The following OR1J2 variants were observed in gnomAD, a reference collection of about 807,000 sequenced individuals.
OR1J2 encodes the protein olfactory receptor family 1 subfamily J member 2, also known as olfactory receptor 1J2.
For missense variants in OR1J2, 304 were observed against 246.1 expected (o/e 1.24, Z -1.57); for synonymous variants, 142 against 99.7 (o/e 1.42, Z -2.52).
downstream of OR1J2, among the ~76,000 whole-genome samples, chr9:122,516,366 G>T (rs919880461): frequency 6.8e-6 from 1 of 147,950 alleles, no homozygotes; most frequent in African/African-American, 2.5e-5. Context: ...TGCAGTGGCG[G>T]GATCTCGGCT....
At chr9:122,569,657 T>G in the OR1J2 span, among the ~76,000 whole-genome samples, 1 of 143,644 alleles carries the variant, frequency 7.0e-6, no homozygotes, top group Non-Finnish European at 1.5e-5. Flanking sequence ...TTGAAACAAC[T>G]TCATTTTATT....
chr9:122,540,554 C>A, the OR1J2 span, among the ~76,000 whole-genome samples: 6 of 152,036 alleles, frequency 3.9e-5, no homozygotes, highest in Non-Finnish European at 7.4e-5. Context: ...TAGCGTGATG[C>A]CTCCAGCTTT....
At chr9:122,477,320 C>G in the OR1J2 span, 3 of 1,613,994 alleles carry the variant, frequency 1.9e-6, no homozygotes, top group Non-Finnish European at 2.5e-6. Context: ...GCTGTCAATG[C>G]TGCTGTAAAG....
At chr9:122,549,740 A>T in the OR1J2 span, among the ~76,000 whole-genome samples, 24 of 152,216 alleles carry the variant, frequency 1.6e-4, 1 homozygote, top group South Asian at 3.7e-3. Context: ...TTATACTAGT[A>T]CCATGTTGTT....
the OR1J2 span, among the ~76,000 whole-genome samples, chr9:122,450,366 G>A: frequency 6.6e-6 from 1 of 152,314 alleles, no homozygotes; most frequent in Admixed American, 6.5e-5. Flanking sequence ...GGAAGGTGGA[G>A]GTTGCAGTGA....
chr9:122,510,741 A>G, upstream of OR1J2: 1 of 971,412 alleles, frequency 1.0e-6, no homozygotes, highest in Non-Finnish European at 1.6e-6. Context: ...GCTAAAAATG[A>G]TAATTTCAGA....
chr9:122,545,786 A>G, the OR1J2 span, among the ~76,000 whole-genome samples: 1 of 152,156 alleles, frequency 6.6e-6, no homozygotes, highest in Non-Finnish European at 1.5e-5. Flanking sequence ...CTCCAAAGTC[A>G]TGTACTAGAA....
downstream of OR1J2, among the ~76,000 whole-genome samples, chr9:122,513,627 C>T (rs1213102829): frequency 6.6e-6 from 1 of 151,674 alleles, no homozygotes; most frequent in Non-Finnish European, 1.5e-5. Context: ...CTGCATGTAT[C>T]AACCGGTCAT....
the OR1J2 span, among the ~76,000 whole-genome samples, chr9:122,524,660 G>A: frequency 3.3e-5 from 5 of 152,206 alleles, no homozygotes; most frequent in Admixed American, 3.3e-4. Flanking sequence ...CTATCAGTGA[G>A]TGGATTGAGG....
chr9:122,522,920 T>G, the OR1J2 span, among the ~76,000 whole-genome samples: 1 of 152,250 alleles, frequency 6.6e-6, no homozygotes, highest in Non-Finnish European at 1.5e-5. Flanking sequence ...GGCTACTGTG[T>G]GTCAGGCATT....
At chr9:122,513,771 T>C (rs67629471), downstream of OR1J2, among the ~76,000 whole-genome samples, 4,107 of 151,992 alleles carry the variant, frequency 0.027, 289 homozygotes, top group East Asian at 0.3. Context: ...CAACTCCCAC[T>C]TATGATTCAC....
the OR1J2 span, among the ~76,000 whole-genome samples, chr9:122,547,060 T>C: frequency 3.9e-5 from 6 of 152,112 alleles, no homozygotes; most frequent in Middle Eastern, 6.8e-3. Flanking sequence ...TGCTATTAGC[T>C]GTAATCAAAA....
the OR1J2 span, chr9:122,526,910 G>A: frequency 6.2e-7 from 1 of 1,614,204 alleles, no homozygotes; most frequent in Non-Finnish European, 8.5e-7. Flanking sequence ...TGGAGTAGCA[G>A]AGGGGGTGGC....
At chr9:122,472,696 C>T in the OR1J2 span, among the ~76,000 whole-genome samples, 2 of 152,284 alleles carry the variant, frequency 1.3e-5, no homozygotes. Flanking sequence ...ACAGTGCATT[C>T]CCAGGAGATG....
chr9:122,502,884 C>T, the OR1J2 span, among the ~76,000 whole-genome samples: 1 of 152,160 alleles, frequency 6.6e-6, no homozygotes, highest in Non-Finnish European at 1.5e-5. Context: ...AGAGGGGCCA[C>T]TCCTTCCACT....
chr9:122,479,926 C>T, the OR1J2 span, among the ~76,000 whole-genome samples: 1 of 152,154 alleles, frequency 6.6e-6, no homozygotes, highest in South Asian at 2.1e-4. Flanking sequence ...ACCAGCTTTG[C>T]TCTAACAATC....
the OR1J2 span, among the ~76,000 whole-genome samples, chr9:122,548,803 T>TTTGTTGTTGTTG: frequency 7.1e-6 from 1 of 140,190 alleles, no homozygotes; most frequent in African/African-American, 2.7e-5. Flanking sequence ...TCCTGTGTGT[T>TTTGTTGTTGTTG]TTGTTGTTGT....
downstream of OR1J2, among the ~76,000 whole-genome samples, chr9:122,513,988 A>G (rs540692587): frequency 1.3e-5 from 2 of 152,356 alleles, no homozygotes; most frequent in Admixed American, 6.5e-5. Flanking sequence ...TTAAGTAGAT[A>G]TGTATGTATA....
At chr9:122,510,293 G>A (rs1453803370), upstream of OR1J2, among the ~76,000 whole-genome samples, 1 of 152,172 alleles carries the variant, frequency 6.6e-6, no homozygotes, top group Non-Finnish European at 1.5e-5. Flanking sequence ...ACTTTTGGGA[G>A]CAGTAACTTG....
Sources: gnomAD v4.1 joint callset for allele counts (sites outside exome capture counted in the v4.1 genomes callset) on GRCh38, gnomAD v4.1.1 for gene constraint, MANE v1.5 for transcripts, NCBI Gene and HGNC (gene_info 2026-07-23, HGNC 2026-07-21) for gene names.